The following THRAP3 variants were observed in gnomAD, a reference collection of about 807,000 sequenced individuals.
THRAP3 encodes thyroid hormone receptor-associated protein 3.
A neutral mutation model predicts 101.0 loss-of-function variants in THRAP3; 16 were observed. That is an observed-to-expected ratio of 0.16 (90% CI 0.11 to 0.24). THRAP3 has a LOEUF of 0.24. THRAP3 is among the 10% of genes least tolerant of loss of function. The pLI, the probability that THRAP3 is intolerant of heterozygous loss-of-function variation, is 1.00. For missense variants in THRAP3, 989 were observed against 1,202.7 expected, an observed-to-expected ratio of 0.82 and a Z score of 2.63; for synonymous variants, 407 against 422.6, an observed-to-expected ratio of 0.96 and a Z score of 0.45.
At chr1:36,253,220 TTA>T (rs1645330224) in intron 1 of THRAP3, among the ~76,000 whole-genome samples, 1 of 152,094 alleles carries the variant, frequency 6.6e-6, no homozygotes, top group Non-Finnish European at 1.5e-5. Context: ...TTGAGCAGAT[TTA>T]TCTTTTGGAA....
intron 1 of THRAP3, among the ~76,000 whole-genome samples, chr1:36,232,704 T>A (rs999151847): frequency 6.6e-6 from 1 of 152,202 alleles, no homozygotes; most frequent in African/African-American, 2.4e-5. Flanking sequence ...GCTCCCATTG[T>A]CAAGTCCTAG....
the THRAP3 span, among the ~76,000 whole-genome samples, chr1:36,208,195 G>A: frequency 1.2e-3 from 187 of 152,308 alleles, 1 homozygote; most frequent in African/African-American, 4.4e-3. Flanking sequence ...AAAGCTGACA[G>A]CCTCCCCCAC....
In THRAP3 at chr1:36,286,841, A is replaced by C; in HGVS notation, c.611A>C (p.Gln204Pro). 6.2e-7 allele frequency: 1 copy of C among 1,614,208 alleles called. No individual in the cohort carries two copies. Among genetic ancestry groups the C allele is most frequent in the Non-Finnish European group, 8.5e-7 (1 of 1,180,020 alleles). Residue 204 changes from glutamine to proline, a missense_variant, in exon 4 of 12, where the codon CAG (glutamine) becomes CCG (proline). Coordinates refer to ENST00000354618, the MANE Select transcript of THRAP3 (RefSeq NM_005119.4). This position sits in a 1 kb window ranked among gnomAD's most constrained non-coding sequence, Gnocchi z 5.5. ...AACCAGGGAGATGAGGCCAAGGAGCAGACATTCTCTGGAGGCACCTCTCAA... is the reference window on the plus strand; with the variant it reads ...AACCAGGGAGATGAGGCCAAGGAGCCGACATTCTCTGGAGGCACCTCTCAA... ...GDNQGDEAKEQTFSGGTSQDT... is the reference protein window; with the variant it reads ...GDNQGDEAKEPTFSGGTSQDT...
intron 1 of THRAP3, chr1:36,241,783 T>A (rs992520900): frequency 6.6e-6 from 1 of 152,114 alleles, no homozygotes. Flanking sequence ...TTCACCACAT[T>A]AGTCAGGCTG....
chr1:36,237,468 C>CAAAA (rs1222944821), intron 1 of THRAP3, among the ~76,000 whole-genome samples: 3 of 50,966 alleles, frequency 5.9e-5, no homozygotes, highest in Non-Finnish European at 7.8e-5. Flanking sequence ...AACTTCATCT[C>CAAAA]AAAAAAAAAA....
At chr1:36,292,285 T>TA (rs1645885114) in intron 6 of THRAP3, among the ~76,000 whole-genome samples, 1 of 125,346 alleles carries the variant, frequency 8.0e-6, no homozygotes, top group East Asian at 2.4e-4. Flanking sequence ...TTTTTTTTTT[T>TA]TTTTGAGACG....
chr1:36,234,332 G>A (rs1342618921), intron 1 of THRAP3, among the ~76,000 whole-genome samples: 1 of 152,216 alleles, frequency 6.6e-6, no homozygotes, highest in African/African-American at 2.4e-5. Flanking sequence ...TTTTGTGAAA[G>A]CCCTGGTGGG....
intron 1 of THRAP3, among the ~76,000 whole-genome samples, chr1:36,242,786 G>A (rs1186342069): frequency 6.6e-6 from 1 of 152,056 alleles, no homozygotes; most frequent in Non-Finnish European, 1.5e-5. Flanking sequence ...AGATAGATTT[G>A]TCAGTCTTTA....
At chr1:36,218,055 G>A in the THRAP3 span, among the ~76,000 whole-genome samples, 9 of 152,136 alleles carry the variant, frequency 5.9e-5, no homozygotes, top group African/African-American at 1.7e-4. Context: ...AGTTGTGAAC[G>A]CAGAGAAAAA....
At chr1:36,257,851 G>T (rs903735095) in intron 1 of THRAP3, among the ~76,000 whole-genome samples, 1 of 152,036 alleles carries the variant, frequency 6.6e-6, no homozygotes, top group Non-Finnish European at 1.5e-5. Context: ...GTGTTTTTTT[G>T]TTGTTTTGAG....
In THRAP3 at chr1:36,280,519, C is replaced by T. The variant is rs187969167; in HGVS notation, c.-31-2014C>T. Among the ~76,000 whole-genome samples the T allele has an allele frequency of 7.9e-5, 12 of 152,240 alleles. No individual in the cohort carries two copies. The East Asian group carries it at 2.1e-3, about 27-fold the overall frequency. On this transcript the variant is annotated intron_variant, in intron 2 of 11. Transcript: ENST00000354618. ...GAGGAGATAGCTTTTGAGCTGAGAT[C>T]TTCAAATTCTGAGGGGTAGGAGGGG...
intron 2 of THRAP3, among the ~76,000 whole-genome samples, chr1:36,271,121 G>A (rs1038101779): frequency 9.9e-5 from 15 of 152,120 alleles, no homozygotes; most frequent in African/African-American, 3.4e-4. Flanking sequence ...ACTGATAACA[G>A]TTTGCTGTAT....
intron 9 of THRAP3, among the ~76,000 whole-genome samples, chr1:36,299,498 T>TG (rs1646003766): frequency 6.6e-6 from 1 of 151,706 alleles, no homozygotes; most frequent in Non-Finnish European, 1.5e-5. Flanking sequence ...GAGTCTTTTT[T>TG]TTTTGTTTTG....
chr1:36,222,448 C>A (rs1177714229), upstream of THRAP3, among the ~76,000 whole-genome samples: 1 of 151,558 alleles, frequency 6.6e-6, no homozygotes, highest in Non-Finnish European at 1.5e-5. Context: ...GCTCTGTCGC[C>A]CAGGCTGGAG....
At chr1:36,297,166 G>A (rs1645963406) in intron 9 of THRAP3, among the ~76,000 whole-genome samples, 1 of 152,166 alleles carries the variant, frequency 6.6e-6, no homozygotes, top group South Asian at 2.1e-4. Context: ...CAAAGAAACA[G>A]GGTGGAACTA....
At chr1:36,237,971 A>G (rs986844849) in intron 1 of THRAP3, among the ~76,000 whole-genome samples, 4 of 152,066 alleles carry the variant, frequency 2.6e-5, no homozygotes, top group Admixed American at 6.6e-5. Flanking sequence ...GCAGGTGTGT[A>G]CCACCATGCC....
At chr1:36,267,652 A>AAAATTAAAAAACTAACTC (rs1557432633) in intron 2 of THRAP3, among the ~76,000 whole-genome samples, 19 of 49,798 alleles carry the variant, frequency 3.8e-4, no homozygotes, top group Non-Finnish European at 5.9e-4. Flanking sequence ...GTCAAACAGG[A>AAAATTAAAAAACTAACTC]GGCCAGAGCA....
intron 2 of THRAP3, among the ~76,000 whole-genome samples, chr1:36,269,897 A>G (rs1276119609): frequency 1.3e-5 from 2 of 152,072 alleles, no homozygotes; most frequent in Non-Finnish European, 2.9e-5. Context: ...TTTTTTAAAT[A>G]AAGTCTTTTT....
chr1:36,208,927 A>G, the THRAP3 span, among the ~76,000 whole-genome samples: 3 of 146,840 alleles, frequency 2.0e-5, no homozygotes, highest in East Asian at 2.0e-4. Flanking sequence ...TTGGCCTCCC[A>G]AAATGCTGGG....
Sources: allele counts gnomAD v4.1 joint callset (sites outside exome capture counted in the v4.1 genomes callset), GRCh38; gene constraint gnomAD v4.1.1; non-coding constraint Gnocchi (gnomAD v3.1); transcripts MANE v1.5; gene names NCBI Gene and HGNC (gene_info 2026-07-23, HGNC 2026-07-21).